CAPN13: variants seen among roughly 807,000 people sequenced by gnomAD.
The protein encoded by CAPN13 is calpain-13.
Under a neutral mutation model 98.4 loss-of-function variants are expected in CAPN13, and 90 were observed. That is an observed-to-expected ratio of 0.92 (90% CI 0.77 to 1.09). CAPN13 has a LOEUF of 1.09. Among genes scored for constraint, CAPN13 ranks in the 50% least tolerant of loss-of-function variants. CAPN13 has a pLI of 0.00. For synonymous variants in CAPN13, 330 were observed against 305.5 expected (o/e 1.08, Z -0.84); for missense variants, 887 against 841.3 (o/e 1.05, Z -0.67).
At chr2:30,729,195 T>C (rs1670971648) in intron 22 of CAPN13, among the ~76,000 whole-genome samples, 1 of 152,158 alleles carries the variant, frequency 6.6e-6, no homozygotes, top group Non-Finnish European at 1.5e-5. Flanking sequence ...TCCAATTCTG[T>C]AAAGCAAACC....
intron 22 of CAPN13, 87 bp from the exon 23 acceptor site, chr2:30,723,323 C>T (rs1049127760): frequency 6.6e-6 from 1 of 152,326 alleles, no homozygotes; most frequent in Admixed American, 6.5e-5. Flanking sequence ...AAGTGGGGCC[C>T]CATTCCAAAG....
chr2:30,749,031 C>A (rs1008715765), intron 11 of CAPN13, among the ~76,000 whole-genome samples: 1 of 152,114 alleles, frequency 6.6e-6, no homozygotes, highest in African/African-American at 2.4e-5. Context: ...ATCAAACACC[C>A]CTGTCACCTC....
intron 1 of CAPN13, among the ~76,000 whole-genome samples, chr2:30,805,221 G>A (rs1409601682): frequency 6.6e-6 from 1 of 152,286 alleles, no homozygotes; most frequent in South Asian, 2.1e-4. Context: ...ACATATAAAT[G>A]TCCTCTCTAC....
intron 12 of CAPN13, 125 bp downstream of exon 12, chr2:30,745,598 T>C: frequency 1.1e-6 from 1 of 909,238 alleles, no homozygotes; most frequent in Non-Finnish European, 1.7e-6. Context: ...GTGTCTGATG[T>C]AAGACTTAGC....
chr2:30,742,550 G>A (rs963328170), intron 13 of CAPN13, among the ~76,000 whole-genome samples, 191 bp from the exon 14 acceptor site: 2 of 152,230 alleles, frequency 1.3e-5, no homozygotes, highest in Admixed American at 1.3e-4. Context: ...GCTGGAAATG[G>A]TCTGGTCTTT....
chr2:30,760,520 A>T lies in CAPN13; in HGVS notation c.775-2383T>A, dbSNP rs547641639. The stretch of plus-strand genomic sequence containing the variant: ...GGCATGCAGATAAACACTCACCCCT[A>T]TGCCCAGGGGAATCGCCGACTGAGC... On this transcript the variant is annotated intron_variant, in intron 7 of 22. Coordinates refer to ENST00000295055, the MANE Select transcript of CAPN13 (RefSeq NM_144575.3). Among the ~76,000 whole-genome samples the T allele has an allele frequency of 4.2e-3, 639 of 152,332 alleles. 3 individuals are homozygous for T. The highest frequency in any genetic ancestry group is 0.015 in the African/African-American group (614 of 41,572).
intron 15 of CAPN13, among the ~76,000 whole-genome samples, chr2:30,739,033 C>T (rs1015209312): frequency 6.6e-6 from 1 of 152,102 alleles, no homozygotes; most frequent in Non-Finnish European, 1.5e-5. Context: ...TGGTTTTCTT[C>T]GGATTAAGAG....
At chr2:30,743,330 T>A in intron 13 of CAPN13, 53 bp downstream of exon 13, 1 of 1,499,466 alleles carries the variant, frequency 6.7e-7, no homozygotes, top group Non-Finnish European at 9.3e-7. Flanking sequence ...ACACAATGTG[T>A]TTTTATAAAG....
rs776108151 is a variant in CAPN13, at chr2:30,787,255, A to G, written c.71T>C (p.Leu24Ser). 2.4e-5 allele frequency: 38 copies of G among 1,613,108 alleles called. No individual in the cohort carries two copies. The highest frequency in any genetic ancestry group is 1.6e-4 in the Middle Eastern group (1 of 6,084). The change falls in exon 2 of 23, where the codon TTG (leucine) becomes TCG (serine). Residue 24 changes from leucine (L) to serine (S), a missense_variant. Leu to Ser is a moderately radical substitution (Grantham distance 145). Coordinates refer to ENST00000295055, the MANE Select transcript of CAPN13 (RefSeq NM_144575.3). ...IKFKDQDFTTLRDHCLSMGRT... is the reference protein window; with the variant it reads ...IKFKDQDFTTSRDHCLSMGRT... ...GCCCATGCTCAGGCAGTGATCCCGC[A>G]AGGTGGTAAAGTCCTGGTCTTTGAA...
chr2:30,790,412 G>A (rs1170361809), intron 1 of CAPN13, among the ~76,000 whole-genome samples: 1 of 152,188 alleles, frequency 6.6e-6, no homozygotes. Flanking sequence ...CTTGGGTGTT[G>A]CAAGAAAAGT....
chr2:30,768,226 C>G (rs1342934632), intron 5 of CAPN13, among the ~76,000 whole-genome samples: 1 of 152,196 alleles, frequency 6.6e-6, no homozygotes, highest in Non-Finnish European at 1.5e-5. Context: ...GGTCCTGACC[C>G]AGGCTTGACC....
At chr2:30,785,767 C>A (rs887165046) in intron 2 of CAPN13, among the ~76,000 whole-genome samples, 2 of 152,162 alleles carry the variant, frequency 1.3e-5, no homozygotes, top group African/African-American at 2.4e-5. Context: ...CCACCACTTT[C>A]TGAAATAATC....
At chr2:30,735,302 G>C (rs1022670897) in intron 18 of CAPN13, among the ~76,000 whole-genome samples, 1 of 152,192 alleles carries the variant, frequency 6.6e-6, no homozygotes, top group African/African-American at 2.4e-5. Context: ...ACTGAACTCA[G>C]GACTCTAATT....
At chr2:30,760,684 CCT>C (rs1464503016) in intron 7 of CAPN13, among the ~76,000 whole-genome samples, 2 of 152,234 alleles carry the variant, frequency 1.3e-5, no homozygotes, top group African/African-American at 4.8e-5. Context: ...GTTAGAACTG[CCT>C]CTCTCTGGAG....
At chr2:30,756,896 C>T (rs1225341954) in intron 8 of CAPN13, among the ~76,000 whole-genome samples, 2 of 152,188 alleles carry the variant, frequency 1.3e-5, no homozygotes, top group Non-Finnish European at 2.9e-5. Flanking sequence ...CCGCTTACCT[C>T]GCCCTCCATC....
At chr2:30,727,385 G>T (rs1670893415) in intron 22 of CAPN13, among the ~76,000 whole-genome samples, 1 of 152,202 alleles carries the variant, frequency 6.6e-6, no homozygotes. Context: ...ACAACCTGCA[G>T]AAGGGGAGAA....
intron 11 of CAPN13, chr2:30,746,533 G>A (rs114072036): frequency 4.0e-4 from 65 of 162,412 alleles, no homozygotes; most frequent in African/African-American, 1.3e-3. Context: ...TAGAACTTAC[G>A]GCCCTTTCCA....
intron 22 of CAPN13, among the ~76,000 whole-genome samples, chr2:30,724,659 A>G (rs1046425009): frequency 3.9e-5 from 6 of 152,222 alleles, no homozygotes; most frequent in Admixed American, 1.3e-4. Flanking sequence ...GTGCCTGGTA[A>G]CCACCAGGTG....
chr2:30,801,818 C>T (rs1195428333), intron 1 of CAPN13, among the ~76,000 whole-genome samples: 3 of 151,936 alleles, frequency 2.0e-5, no homozygotes, highest in Non-Finnish European at 2.9e-5. Flanking sequence ...GGACAAAGTC[C>T]ACCAGGGGAA....
Sources: gnomAD v4.1 joint callset for allele counts (sites outside exome capture counted in the v4.1 genomes callset) on GRCh38, gnomAD v4.1.1 for gene constraint, MANE v1.5 for transcripts, NCBI Gene and HGNC (gene_info 2026-07-23, HGNC 2026-07-21) for gene names.